Variants in SFMBT1 observed in about 807,000 individuals in gnomAD.
SFMBT1 encodes Scm like with four mbt domains 1.
In SFMBT1, 32 loss-of-function variants were observed where a neutral mutation model predicts 108.7. The ratio of observed to expected loss-of-function variants is 0.29; its 90% confidence interval spans 0.22 to 0.40. The LOEUF (loss-of-function observed/expected upper bound fraction) is 0.40. SFMBT1 is among the 10% of genes least tolerant of loss of function. The pLI is 1.00. For synonymous variants in SFMBT1, 348 were observed against 369.5 expected (o/e 0.94, Z 0.67); for missense variants, 816 against 1,059.6 (o/e 0.77, Z 3.19).
At chr3:52,926,161 G>GCC in intron 9 of SFMBT1, 48 bp from the exon 10 acceptor site, 1 of 1,538,572 alleles carries the variant, frequency 6.5e-7, no homozygotes, top group Non-Finnish European at 8.9e-7. Context: ...CACCACATAC[G>GCC]CCTGCCTGGC....
At chr3:52,905,356 G>C in intron 20 of SFMBT1, 80 bp from the exon 21 acceptor site, 1 of 1,450,628 alleles carries the variant, frequency 6.9e-7, no homozygotes, top group Non-Finnish European at 9.3e-7. Flanking sequence ...CCTCACTTTA[G>C]CTCTGTCAAA....
chr3:52,931,242 T>C (rs1051931031), intron 6 of SFMBT1, among the ~76,000 whole-genome samples: 1 of 152,232 alleles, frequency 6.6e-6, no homozygotes, highest in Non-Finnish European at 1.5e-5. Context: ...CTTGGCTCTA[T>C]GAAAATACCT....
chr3:52,990,661 C>T (rs1048239113), intron 1 of SFMBT1, among the ~76,000 whole-genome samples: 1 of 151,234 alleles, frequency 6.6e-6, no homozygotes, highest in Non-Finnish European at 1.5e-5. Context: ...AAAAGTTGAG[C>T]AAGAAAGAGA....
rs913976878 is a variant in SFMBT1 at position 52,999,130 on chromosome 3, C to T, written c.-130-29872G>A. Among the ~76,000 whole-genome samples the T allele has an allele frequency of 6.6e-5, 10 of 150,910 alleles. 1 individual carries two copies. Among genetic ancestry groups the T allele is most frequent in the African/African-American group, 1.9e-4 (8 of 41,396 alleles). ...CTGATCAAGGGCCCAGTACAAAGGC[C>T]GTCATGGAGATCCAGGCCTTCGCCA... On this transcript the variant is annotated intron_variant, in intron 1 of 20. Transcript: ENST00000394752.
chr3:52,977,856 T>C (rs1575414992), intron 1 of SFMBT1, among the ~76,000 whole-genome samples: 1 of 152,206 alleles, frequency 6.6e-6, no homozygotes, highest in Non-Finnish European at 1.5e-5. Context: ...TTTAACAGTA[T>C]TGGGTAAACT....
intron 1 of SFMBT1, among the ~76,000 whole-genome samples, chr3:52,969,992 A>C (rs1704282054): frequency 2.0e-5 from 3 of 152,144 alleles, no homozygotes; most frequent in Admixed American, 2.0e-4. Flanking sequence ...AGTTTCAGCT[A>C]CTTGGGAGGC....
chr3:52,926,673 T>C (rs1308731804), intron 9 of SFMBT1, among the ~76,000 whole-genome samples: 1 of 152,206 alleles, frequency 6.6e-6, no homozygotes, highest in Non-Finnish European at 1.5e-5. Flanking sequence ...ATCATGTATT[T>C]ATTTCAGAAA....
chr3:52,957,576 C>T (rs1410750903), intron 2 of SFMBT1, among the ~76,000 whole-genome samples: 1 of 151,926 alleles, frequency 6.6e-6, no homozygotes, highest in Non-Finnish European at 1.5e-5. Context: ...TACTACAAGC[C>T]TCAAAACAGC....
intron 1 of SFMBT1, among the ~76,000 whole-genome samples, chr3:53,012,648 C>T (rs1380524884): frequency 9.2e-5 from 14 of 151,456 alleles, no homozygotes; most frequent in Admixed American, 7.2e-4. Context: ...ATGATCCGCC[C>T]GCCTCTGCCT....
At chr3:52,956,200 G>A (rs1315206572) in intron 2 of SFMBT1, among the ~76,000 whole-genome samples, 5 of 152,164 alleles carry the variant, frequency 3.3e-5, no homozygotes, top group South Asian at 2.1e-4. Flanking sequence ...GGTAGCTCAC[G>A]CCTGTAATCC....
chr3:52,965,219 C>G (rs922706398), intron 2 of SFMBT1, among the ~76,000 whole-genome samples: 2 of 151,224 alleles, frequency 1.3e-5, no homozygotes, highest in Non-Finnish European at 2.9e-5. Context: ...AAAAAAAACC[C>G]TCTATGGATA....
At chr3:52,979,305 CAGAT>C (rs1704624881) in intron 1 of SFMBT1, among the ~76,000 whole-genome samples, 1 of 152,140 alleles carries the variant, frequency 6.6e-6, no homozygotes, top group Non-Finnish European at 1.5e-5. Context: ...TATGCTTTAA[CAGAT>C]AAATTTCTAT....
At chr3:52,947,658 CAGA>C (rs1703417710) in intron 3 of SFMBT1, among the ~76,000 whole-genome samples, 1 of 151,950 alleles carries the variant, frequency 6.6e-6, no homozygotes, top group African/African-American at 2.4e-5. Flanking sequence ...TTTTGATAAA[CAGA>C]AGTTCTTAAA....
At chr3:53,045,486 C>T (rs1267402564) in intron 1 of SFMBT1, among the ~76,000 whole-genome samples, 52 of 144,076 alleles carry the variant, frequency 3.6e-4, no homozygotes, top group African/African-American at 1.0e-3. Flanking sequence ...TGACGCGCGC[C>T]GCGCTGCCTG....
intron 1 of SFMBT1, among the ~76,000 whole-genome samples, chr3:52,993,915 T>C (rs1008656061): frequency 6.7e-6 from 1 of 150,274 alleles, no homozygotes; most frequent in African/African-American, 2.4e-5. Flanking sequence ...ATATACTCAT[T>C]ACAAAATAAT....
intron 1 of SFMBT1, among the ~76,000 whole-genome samples, chr3:53,036,811 T>C (rs780705342): frequency 1.8e-4 from 27 of 152,130 alleles, no homozygotes; most frequent in African/African-American, 5.3e-4. Context: ...AGGTAGTCTA[T>C]ATCCAGGAGC....
chr3:52,956,781 AAAAT>A (rs1345948027), intron 2 of SFMBT1, among the ~76,000 whole-genome samples: 1 of 152,170 alleles, frequency 6.6e-6, no homozygotes, highest in Admixed American at 6.5e-5. Context: ...TAAATAAAAT[AAAAT>A]AAAAACTCTC....
chr3:53,007,624 AAAT>A (rs1425949985), intron 1 of SFMBT1, among the ~76,000 whole-genome samples: 4 of 152,356 alleles, frequency 2.6e-5, no homozygotes, highest in African/African-American at 9.6e-5. Context: ...GCATCAATAC[AAAT>A]AATAAAAGAT....
chr3:53,045,263 G>T (rs1018673829), intron 1 of SFMBT1: 1 of 148,204 alleles, frequency 6.7e-6, no homozygotes. Context: ...GACCGCCCGG[G>T]CCCTCCGAAG....
Sources: allele counts gnomAD v4.1 joint callset (sites outside exome capture counted in the v4.1 genomes callset), GRCh38; gene constraint gnomAD v4.1.1; transcripts MANE v1.5; gene names NCBI Gene and HGNC (gene_info 2026-07-23, HGNC 2026-07-21).